The following ZDHHC1 variants were observed in gnomAD, a reference collection of about 807,000 sequenced individuals.
The protein encoded by ZDHHC1 is zDHHC palmitoyltransferase 1, also known as palmitoyltransferase ZDHHC1.
Under a neutral mutation model 46.9 loss-of-function variants are expected in ZDHHC1, and 45 were observed. The observed-to-expected ratio is 0.96, with a 90% confidence interval of 0.76 to 1.23. The LOEUF is 1.23. Among genes scored for constraint, ZDHHC1 ranks in the 50% most tolerant of loss-of-function variants. The probability of loss-of-function intolerance (pLI) is 0.00; values close to 1 mark genes in which losing one functional copy is unlikely to be tolerated. For missense variants in ZDHHC1, 649 were observed against 670.8 expected (o/e 0.97, Z 0.36); for synonymous variants, 291 against 286.0 (o/e 1.02, Z -0.18).
intron 1 of ZDHHC1, among the ~76,000 whole-genome samples, chr16:67,415,816 C>G (rs1021867514): frequency 4.6e-5 from 7 of 152,168 alleles, no homozygotes; most frequent in Non-Finnish European, 1.0e-4. Context: ...CCCTCCATGA[C>G]CAACCCCTCC....
In ZDHHC1 at chr16:67,398,570, T is replaced by TA; in HGVS notation, c.814+2dup. On this transcript the variant is annotated splice_region_variant and intron_variant, in intron 7 of 11. Coordinates refer to ENST00000565726, the MANE Select transcript of ZDHHC1 (RefSeq NM_001323627.2). ...CCAGAAGGCAGGTGCAGGAGGCACT[T>TA]ACTGAGATAAATGTGGAAGCAGAGC... 1 of 1,596,154 alleles carries TA rather than the reference T, an allele frequency of 6.3e-7. No homozygotes were observed.
intron 8 of ZDHHC1, 126 bp from the exon 9 acceptor site, chr16:67,395,692 C>A (rs7191318): frequency 0.078 from 72,979 of 933,080 alleles, 9,591 homozygotes; most frequent in African/African-American, 0.52. Flanking sequence ...ATGCCAGGCT[C>A]CCAGCCATGC....
chr16:67,394,678 C>A lies in ZDHHC1; in HGVS notation c.1381G>T (p.Ala461Ser). 2.4e-6 allele frequency: 3 copies of A among 1,252,542 alleles called. No individual in the cohort carries two copies. The highest frequency in any genetic ancestry group is 3.0e-5 in the South Asian group (1 of 33,752). 77.6% of individuals were successfully genotyped at this position (1,252,542 alleles called of 1,614,324 possible). Residue 461 changes from alanine to serine, a missense_variant, in exon 12 of 12, where the codon GCC becomes TCC. Ala to Ser is a moderately conservative substitution (Grantham distance 99, BLOSUM62 1). Transcript: ENST00000565726. ...PTLARQARAP[A>S]VFVSPSSGEP... Reference sequence around the variant, plus strand: ...CCGCTGCTCGGGCTCACGAAAACGGCGGGCGCACGCGCCTGCCGCGCCAGC... The same window carrying A: ...CCGCTGCTCGGGCTCACGAAAACGGAGGGCGCACGCGCCTGCCGCGCCAGC...
intron 7 of ZDHHC1, 107 bp from the exon 8 acceptor site, chr16:67,398,431 C>G (rs1470146944): frequency 2.6e-6 from 4 of 1,511,048 alleles, no homozygotes; most frequent in East Asian, 2.3e-5. Flanking sequence ...CCCAAATACA[C>G]GAAGCCATCA....
At chr16:67,408,714 G>C (rs1479720179) in intron 1 of ZDHHC1, among the ~76,000 whole-genome samples, 1 of 152,088 alleles carries the variant, frequency 6.6e-6, no homozygotes, top group East Asian at 1.9e-4. Context: ...TCCAACTCCT[G>C]GGCTCAAGCG....
chr16:67,415,486 G>A (rs2040819033), intron 1 of ZDHHC1, among the ~76,000 whole-genome samples: 1 of 152,106 alleles, frequency 6.6e-6, no homozygotes, highest in African/African-American at 2.4e-5. Context: ...GCTGGGAACG[G>A]TGGCTCACAC....
rs770582280 is a variant in ZDHHC1 at position 67,395,506 on chromosome 16, C to A, written c.988G>T (p.Gly330Trp). 2.5e-5 allele frequency: 39 copies of A among 1,554,582 alleles called. No individual in the cohort carries two copies. The Middle Eastern group carries it at 6.7e-4, about 27-fold the overall frequency. Residue 330 changes from glycine to tryptophan, a missense_variant, in exon 9 of 12, where the codon GGG becomes TGG. Physicochemically the swap from Gly to Trp is radical, Grantham distance 184. Transcript: ENST00000565726. ...CACTTGGCATTCACTGCTGCTGGCC[C>A]GGCCTGGCCAGGGGGCTCTGGGCGC... ...HMRPEPPGQA[G>W]PAAVNANPSQ...
chr16:67,408,060 C>T (rs906277435), intron 1 of ZDHHC1, among the ~76,000 whole-genome samples: 1 of 152,216 alleles, frequency 6.6e-6, no homozygotes, highest in African/African-American at 2.4e-5. Context: ...CAGGCCAAGC[C>T]AAGCATTATT....
In ZDHHC1 at chr16:67,401,038, G is replaced by A. The variant is rs370530325; in HGVS notation, c.347C>T (p.Ala116Val). The change falls in exon 4 of 12, where the codon GCG becomes GTG. Residue 116 changes from alanine to valine, a missense_variant. Coordinates refer to ENST00000565726, the MANE Select transcript of ZDHHC1 (RefSeq NM_001323627.2). This position sits in a 1 kb window ranked among gnomAD's most constrained non-coding sequence, Gnocchi z 4.6. Reference sequence around the variant, plus strand: ...TCGGTTGAAGATGGGCAGGGGCCCCGCATAGCTCTTGTCCCGCACGTTGGC... The same window carrying A: ...TCGGTTGAAGATGGGCAGGGGCCCCACATAGCTCTTGTCCCGCACGTTGGC... The part of the protein sequence containing the change: ...ADANVRDKSY[A>V]GPLPIFNRSQ... The A allele has an allele frequency of 2.6e-5, 42 of 1,614,130 alleles. No individual in the cohort carries two copies. In the South Asian group the frequency reaches 3.7e-4, roughly 14 times the overall value.
rs1294740664 is a variant in ZDHHC1 at position 67,413,049 on chromosome 16, C to G, written c.-39+3122G>C. Among the ~76,000 whole-genome samples, 9 of 151,464 alleles carry G rather than the reference C, an allele frequency of 5.9e-5. No homozygotes were observed. The South Asian group carries it at 1.9e-3, about 32-fold the overall frequency. The stretch of plus-strand genomic sequence containing the variant: ...AACTCCTGACCTCAGGTGATCCACC[C>G]GCCTCGGCCTCCTAGCCACTGCACC... On this transcript the variant is annotated intron_variant, in intron 1 of 11. Transcript: ENST00000565726.
In ZDHHC1 at chr16:67,398,324, A is replaced by G; in HGVS notation, c.815T>C (p.Met272Thr). The change falls in exon 8 of 12, where the codon ATG becomes ACG. Residue 272 changes from methionine to threonine, a missense_variant and splice_region_variant. Met to Thr is a moderately conservative substitution (Grantham distance 81, BLOSUM62 -1). Transcript: ENST00000565726. Reference protein sequence around the residue: ...GHLLCFHIYLMWHKLTTYEYI... With the variant: ...GHLLCFHIYLTWHKLTTYEYI... ...CTCATAGGTGGTGAGCTTGTGCCAC[A>G]CTGGTGGGGGGAGGAGAGGGCTCAG... The G allele has an allele frequency of 2.5e-6, 4 of 1,612,718 alleles. No individual in the cohort carries two copies. Among genetic ancestry groups the G allele is most frequent in the Non-Finnish European group, 2.5e-6 (3 of 1,179,308 alleles).
chr16:67,398,264 T>G lies in ZDHHC1; in HGVS notation c.875A>C (p.Lys292Thr), dbSNP rs764999193. Residue 292 changes from lysine to threonine, a missense_variant, in exon 8 of 12, where the codon AAG becomes ACG. Coordinates refer to ENST00000565726, the MANE Select transcript of ZDHHC1 (RefSeq NM_001323627.2). ...IVQHRPPQEA[K>T]GVHRELESCP... is the part of the protein sequence containing the mutation. ...TGACTCGAGCTCCCTGTGAACCCCC[T>G]TGGCCTCCTGTGGTGGGCGGTGCTG... 3 of 1,613,784 alleles carry G rather than the reference T, an allele frequency of 1.9e-6. No individual in the cohort carries two copies. The East Asian group carries it at 6.7e-5, about 36-fold the overall frequency.
At position 67,398,611 on chromosome 16, in the gene ZDHHC1, G is replaced by A; in HGVS notation, c.776C>T (p.Ala259Val). 1 of 1,605,720 alleles carries A rather than the reference G, an allele frequency of 6.2e-7. No individual in the cohort carries two copies. The highest frequency in any genetic ancestry group is 8.5e-7 in the Non-Finnish European group (1 of 1,177,172). Reference sequence around the variant, plus strand: ...GAAGCAGAGCAGGTGCCCCAGGAGGGCTGTGGACAGGAGGCCCAGAAGGAT... The same window carrying A: ...GAAGCAGAGCAGGTGCCCCAGGAGGACTGTGGACAGGAGGCCCAGAAGGAT... The part of the protein sequence containing the change: ...LLILLGLLST[A>V]LLGHLLCFHI... Residue 259 changes from alanine (A) to valine (V), a missense_variant, in exon 7 of 12, where the codon GCC becomes GTC. Coordinates refer to ENST00000565726, the MANE Select transcript of ZDHHC1 (RefSeq NM_001323627.2).
intron 10 of ZDHHC1, 23 bp from the exon 11 acceptor site, chr16:67,395,085 G>A: frequency 1.2e-6 from 2 of 1,613,308 alleles, no homozygotes; most frequent in Non-Finnish European, 1.7e-6. Flanking sequence ...GGGGGAGCCT[G>A]AGGGCCCCAC....
intron 1 of ZDHHC1, among the ~76,000 whole-genome samples, chr16:67,413,866 G>A (rs955621271): frequency 9.9e-5 from 15 of 151,186 alleles, no homozygotes; most frequent in Non-Finnish European, 1.9e-4. Context: ...TTGAACCCAG[G>A]AGGTGGAGTT....
intron 11 of ZDHHC1, 45 bp downstream of exon 11, chr16:67,394,957 C>G: frequency 1.3e-6 from 2 of 1,575,732 alleles, no homozygotes; most frequent in Non-Finnish European, 1.7e-6. Flanking sequence ...GCCTTCCCCT[C>G]CCTCGAGTTC....
intron 5 of ZDHHC1, 131 bp from the exon 6 acceptor site, chr16:67,399,075 G>A: frequency 7.6e-7 from 1 of 1,308,972 alleles, no homozygotes. Flanking sequence ...CAACTCCTCA[G>A]AAGCCAAAGG....
intron 8 of ZDHHC1, chr16:67,395,870 AAG>A: frequency 7.6e-6 from 3 of 396,670 alleles, no homozygotes; most frequent in South Asian, 3.0e-5. Flanking sequence ...GAGTGGTGGG[AAG>A]CTCAGAGCTG....
chr16:67,410,113 G>C (rs1427083882), intron 1 of ZDHHC1, among the ~76,000 whole-genome samples: 2 of 152,190 alleles, frequency 1.3e-5, no homozygotes, highest in African/African-American at 2.4e-5. Context: ...ACTGCTGGAA[G>C]AGCCACATGG....
Sources: allele counts gnomAD v4.1 joint callset (sites outside exome capture counted in the v4.1 genomes callset), GRCh38; gene constraint gnomAD v4.1.1; non-coding constraint Gnocchi (gnomAD v3.1); transcripts MANE v1.5; gene names NCBI Gene and HGNC (gene_info 2026-07-23, HGNC 2026-07-21).